The following PRKN variants were observed in gnomAD, a reference collection of about 807,000 sequenced individuals.
The protein encoded by PRKN is E3 ubiquitin-protein ligase parkin.
PRKN carries 56 observed loss-of-function variants against 59.5 expected under a neutral mutation model. The observed-to-expected ratio is 0.94, with a 90% confidence interval of 0.76 to 1.18. PRKN has a LOEUF of 1.18. PRKN is among the 50% of genes most tolerant of loss of function. PRKN has a pLI of 0.00. For synonymous variants in PRKN, 250 were observed against 222.1 expected (o/e 1.13, Z -1.12); for missense variants, 657 against 596.4 (o/e 1.10, Z -1.06).
At chr6:162,649,732 T>C (rs1419977085) in intron 1 of PRKN, among the ~76,000 whole-genome samples, 3 of 152,066 alleles carry the variant, frequency 2.0e-5, no homozygotes, top group African/African-American at 7.2e-5. Flanking sequence ...TGAGAACTAA[T>C]GATACACATA....
Position 162,338,486 on chromosome 6 carries a change from G to A in PRKN, c.172-75721C>T, listed in dbSNP as rs867119874. 1.5e-4 allele frequency among the ~76,000 whole-genome samples: 23 copies of A among 152,292 alleles called. No individual in the cohort carries two copies. In the Middle Eastern group the frequency reaches 0.017, roughly 113 times the overall value. On this transcript the variant is annotated intron_variant, in intron 2 of 11. Transcript: ENST00000366898. ...CCGGGCCGGTCTCCAGCCCCTAACC[G>A]CGAGTGATCCGCCAGCCTCGGCCTC...
rs1048725125 is a variant in PRKN, at chr6:161,388,695, A to G, written c.1084-1818T>C. 1.6e-4 allele frequency among the ~76,000 whole-genome samples: 24 copies of G among 152,224 alleles called. No individual in the cohort carries two copies. The highest frequency in any genetic ancestry group is 5.5e-4 in the African/African-American group (23 of 41,456). ...CTAGGCCCAGGCCTCAAGAAACCAGAAGCTTCCATTTCCTGTTGGGACACT... is the reference window on the plus strand; with the variant it reads ...CTAGGCCCAGGCCTCAAGAAACCAGGAGCTTCCATTTCCTGTTGGGACACT... On this transcript the variant is annotated intron_variant, in intron 9 of 11. Transcript: ENST00000366898. The surrounding 1 kb of genome is among the most constrained non-coding windows in gnomAD (Gnocchi z 4.3).
At chr6:161,783,606 T>C (rs1213316075) in intron 7 of PRKN, 5 of 492,090 alleles carry the variant, frequency 1.0e-5, no homozygotes, top group East Asian at 5.6e-5. Flanking sequence ...ACTAAAAAGA[T>C]AGAGTGTGAA....
intron 6 of PRKN, among the ~76,000 whole-genome samples, chr6:161,947,616 A>G (rs1779829271): frequency 6.6e-6 from 1 of 152,146 alleles, no homozygotes. Context: ...TACATCTTGT[A>G]TTCATGTGTT....
intron 6 of PRKN, among the ~76,000 whole-genome samples, chr6:161,949,576 C>T (rs1779909829): frequency 6.6e-6 from 1 of 152,144 alleles, no homozygotes; most frequent in Non-Finnish European, 1.5e-5. Flanking sequence ...GTTATAACTC[C>T]TTGAAGGACA....
At chr6:161,657,235 G>C (rs963882590) in intron 7 of PRKN, among the ~76,000 whole-genome samples, 20 of 152,156 alleles carry the variant, frequency 1.3e-4, no homozygotes, top group African/African-American at 4.8e-4. Flanking sequence ...GCTTGTCCCA[G>C]TGACCTCACG....
chr6:161,554,565 A>G lies in PRKN; in HGVS notation c.934-5562T>C, dbSNP rs1338978217. On this transcript the variant is annotated intron_variant, in intron 8 of 11. Transcript: ENST00000366898. This position sits in a 1 kb window ranked among gnomAD's most constrained non-coding sequence, Gnocchi z 4.5. ...AAATACAGTCACTGAGTTCTTCCAT[A>G]GTAACAGTTTATTTAGGGCTTTTAT... Among the ~76,000 whole-genome samples the G allele has an allele frequency of 2.6e-5, 4 of 152,042 alleles. No homozygotes were observed. Among genetic ancestry groups the G allele is most frequent in the Admixed American group, 6.6e-5 (1 of 15,252 alleles).
At chr6:162,469,353 G>GC (rs1259940061) in intron 1 of PRKN, among the ~76,000 whole-genome samples, 1 of 91,244 alleles carries the variant, frequency 1.1e-5, no homozygotes, top group Non-Finnish European at 2.5e-5. Context: ...GGGTTGCAGG[G>GC]GGGGGTGGGT....
At chr6:162,298,197 T>C (rs764255493) in intron 2 of PRKN, among the ~76,000 whole-genome samples, 21 of 148,308 alleles carry the variant, frequency 1.4e-4, no homozygotes, top group African/African-American at 5.0e-4. Flanking sequence ...GAGAGAGAAA[T>C]TGACTGGGGC....
intron 7 of PRKN, among the ~76,000 whole-genome samples, chr6:161,648,104 G>A (rs1033276724): frequency 6.6e-6 from 1 of 152,208 alleles, no homozygotes; most frequent in Non-Finnish European, 1.5e-5. Context: ...GATTATTCAG[G>A]TGGAGACAAA....
At chr6:162,037,562 T>C (rs1783896106) in intron 5 of PRKN, among the ~76,000 whole-genome samples, 1 of 151,068 alleles carries the variant, frequency 6.6e-6, no homozygotes, top group Non-Finnish European at 1.5e-5. Context: ...TTTTTTTTGG[T>C]TTTGAGACGG....
At chr6:161,807,425 A>G (rs1026410475) in intron 6 of PRKN, among the ~76,000 whole-genome samples, 4 of 152,222 alleles carry the variant, frequency 2.6e-5, no homozygotes, top group African/African-American at 7.2e-5. Context: ...ACAGACACAT[A>G]TACACATACA....
intron 3 of PRKN, among the ~76,000 whole-genome samples, chr6:162,261,336 T>C (rs914748172): frequency 6.6e-6 from 1 of 152,152 alleles, no homozygotes; most frequent in Non-Finnish European, 1.5e-5. Flanking sequence ...AAATAATACT[T>C]ATGCTAAAGT....
At chr6:162,109,134 C>T (rs1780313431) in intron 4 of PRKN, among the ~76,000 whole-genome samples, 1 of 152,166 alleles carries the variant, frequency 6.6e-6, no homozygotes, top group Non-Finnish European at 1.5e-5. Flanking sequence ...CCAAGTGTTG[C>T]CATGGCAATG....
chr6:161,974,851 G>C (rs968023628), intron 5 of PRKN, among the ~76,000 whole-genome samples: 1 of 152,104 alleles, frequency 6.6e-6, no homozygotes, highest in African/African-American at 2.4e-5. Flanking sequence ...AGTGCTTTTG[G>C]TTTTGTAGGG....
Position 161,458,469 on chromosome 6 carries a change from C to G in PRKN, c.1084-71592G>C, listed in dbSNP as rs1179000033. Among the ~76,000 whole-genome samples the G allele has an allele frequency of 6.6e-6, 1 of 152,116 alleles. No homozygotes were observed. Among genetic ancestry groups the G allele is most frequent in the African/African-American group, 2.4e-5 (1 of 41,406 alleles). On this transcript the variant is annotated intron_variant, in intron 9 of 11. Transcript: ENST00000366898. The surrounding 1 kb of genome is among the most constrained non-coding windows in gnomAD (Gnocchi z 6.1). ...CGTCTGTCTACCTCCTGCCGGCTGC[C>G]TGTCTCCTAAAATGTCTGCATGCTG...
At chr6:162,616,405 C>T (rs1010274651) in intron 1 of PRKN, among the ~76,000 whole-genome samples, 17 of 152,012 alleles carry the variant, frequency 1.1e-4, no homozygotes, top group Admixed American at 3.3e-4. Flanking sequence ...CAACTTCTGC[C>T]CCACCCCGTT....
chr6:162,536,114 G>A (rs533383427), intron 1 of PRKN, among the ~76,000 whole-genome samples: 1 of 152,162 alleles, frequency 6.6e-6, no homozygotes, highest in East Asian at 1.9e-4. Flanking sequence ...TACAACTTAA[G>A]GCCAAACCAA....
In PRKN at chr6:161,466,185, G is replaced by A. The variant is rs189284597; in HGVS notation, c.1084-79308C>T. Among the ~76,000 whole-genome samples the A allele has an allele frequency of 1.1e-3, 164 of 152,108 alleles. 1 individual carries two copies. Among genetic ancestry groups the A allele is most frequent in the African/African-American group, 3.9e-3 (162 of 41,498 alleles). On this transcript the variant is annotated intron_variant, in intron 9 of 11. Coordinates refer to ENST00000366898, the MANE Select transcript of PRKN (RefSeq NM_004562.3). The surrounding 1 kb of genome is among the most constrained non-coding windows in gnomAD (Gnocchi z 5.0). ...CATGCTGTACATTAGATCCCCCTGT[G>A]TTTCTATTTGAACAGTTTATATTGA...
Sources: allele counts gnomAD v4.1 joint callset (sites outside exome capture counted in the v4.1 genomes callset), GRCh38; gene constraint gnomAD v4.1.1; non-coding constraint Gnocchi (gnomAD v3.1); transcripts MANE v1.5; gene names NCBI Gene and HGNC (gene_info 2026-07-23, HGNC 2026-07-21).